PCDHGA2: variants seen among roughly 807,000 people sequenced by gnomAD.
PCDHGA2 encodes the protein protocadherin gamma subfamily A, 2.
PCDHGA2 carries 40 observed loss-of-function variants against 59.2 expected under a neutral mutation model. The observed-to-expected ratio is 0.68, with a 90% CI of 0.52 to 0.88. The LOEUF is 0.88. Among genes scored for constraint, PCDHGA2 ranks in the 40% least tolerant of loss-of-function variants. PCDHGA2 has a pLI of 0.00. For synonymous variants in PCDHGA2, 560 were observed against 526.0 expected, an observed-to-expected ratio of 1.06 and a Z score of -0.89; for missense variants, 1,226 against 1,204.0, an observed-to-expected ratio of 1.02 and a Z score of -0.27.
intron 1 of PCDHGA2, chr5:141,376,739 T>C (rs1773315413): frequency 8.0e-6 from 4 of 502,200 alleles, no homozygotes; most frequent in Non-Finnish European, 1.4e-5. Flanking sequence ...GACTGCGGAC[T>C]GCAGTGGCGC....
rs753022372 is a variant in PCDHGA2, at chr5:141,350,463, C to T, written c.2424+9068C>T. On this transcript the variant is annotated intron_variant, in intron 1 of 3. Transcript: ENST00000394576. ...CCAACTCGAAAACTGCGGGTTAGTG[C>T]AGAGGATTATTTCAACGTTAGTTTG... 1.9e-6 allele frequency: 3 copies of T among 1,613,812 alleles called. No homozygotes were observed. In the South Asian group the frequency reaches 3.3e-5, roughly 18 times the overall value.
At chr5:141,389,635 A>G in intron 1 of PCDHGA2, 1 of 1,612,978 alleles carries the variant, frequency 6.2e-7, no homozygotes, top group Non-Finnish European at 8.5e-7. Flanking sequence ...GAGCCTGGCT[A>G]CTTGGTGACC....
At chr5:141,497,983 C>T (rs2099780927) in intron 2 of PCDHGA2, among the ~76,000 whole-genome samples, 1 of 152,168 alleles carries the variant, frequency 6.6e-6, no homozygotes, top group African/African-American at 2.4e-5. Context: ...GTGGGAGGCC[C>T]CTGCCCTCAA....
At chr5:141,437,529 C>T (rs1205365959) in intron 1 of PCDHGA2, among the ~76,000 whole-genome samples, 1 of 152,102 alleles carries the variant, frequency 6.6e-6, no homozygotes, top group African/African-American at 2.4e-5. Flanking sequence ...GACAAATGAG[C>T]AAATTGTATC....
chr5:141,494,680 C>G (rs552351026), intron 1 of PCDHGA2, 127 bp from the exon 2 acceptor site: 2 of 1,560,096 alleles, frequency 1.3e-6, no homozygotes, highest in East Asian at 4.6e-5. Context: ...CCACCCCTGC[C>G]CCCTCTTAGT....
chr5:141,346,424 A>T lies in PCDHGA2; in HGVS notation c.2424+5029A>T, dbSNP rs773714728. On this transcript the variant is annotated intron_variant, in intron 1 of 3. Coordinates refer to ENST00000394576, the MANE Select transcript of PCDHGA2 (RefSeq NM_018915.4). ...AGCCTCTTCTGATAACTCAGGATTT[A>T]CTTGAAATGAAAGGAGATTCCAACC... 9 of 1,614,238 alleles carry T rather than the reference A, an allele frequency of 5.6e-6. No individual in the cohort carries two copies. The South Asian group carries it at 8.8e-5, about 16-fold the overall frequency.
chr5:141,499,029 A>AAGGAAGGAAGG lies in PCDHGA2; in HGVS notation c.2483+4165_2483+4166insGGAAGGAAGGA, dbSNP rs1562187768. ...GGAAGGAAGGAAGGAAGGAAGGAAG[A>AAGGAAGGAAGG]AAAGAAAGAAAAAGGGAGAAAAAAT... On this transcript the variant is annotated intron_variant, in intron 2 of 3. Transcript: ENST00000394576. 4.1e-4 allele frequency among the ~76,000 whole-genome samples: 57 copies of AAGGAAGGAAGG among 140,074 alleles called. 2 individuals are homozygous for AAGGAAGGAAGG. Among genetic ancestry groups the AAGGAAGGAAGG allele is most frequent in the African/African-American group, 1.4e-3 (52 of 36,074 alleles). 91.9% of individuals were successfully genotyped at this position (140,074 alleles called of 152,430 possible).
intron 1 of PCDHGA2, chr5:141,399,055 GA>G: frequency 7.4e-6 from 12 of 1,613,844 alleles, no homozygotes; most frequent in Non-Finnish European, 1.0e-5. Context: ...AGAGACCAAG[GA>G]ATATTCAATG....
At position 141,426,367 on chromosome 5, in the gene PCDHGA2, G is replaced by A. The variant is rs557191606; in HGVS notation, c.2425-68440G>A. The A allele has an allele frequency of 8.2e-4, 168 of 204,486 alleles. 3 individuals are homozygous for A. The South Asian group carries it at 0.014, about 17-fold the overall frequency. 12.7% of individuals were successfully genotyped at this position (204,486 alleles called of 1,614,324 possible). ...TTTCCTGCTGCCTTTGTTCTGCGGG[G>A]CACCCTCGGAGCAGATCCGCTACTC... is the stretch of plus-strand genomic sequence containing the variant. On this transcript the variant is annotated intron_variant, in intron 1 of 3. Transcript: ENST00000394576.
chr5:141,376,217 C>T (rs1387510502), intron 1 of PCDHGA2: 1 of 1,614,210 alleles, frequency 6.2e-7, no homozygotes, highest in Non-Finnish European at 8.5e-7. Flanking sequence ...CATCGTGCTG[C>T]TGGCGCTCAG....
intron 1 of PCDHGA2, chr5:141,418,636 C>G (rs564881404): frequency 6.2e-7 from 1 of 1,613,980 alleles, no homozygotes; most frequent in South Asian, 1.1e-5. Context: ...CTCCAGGCAC[C>G]TCCATCCTGA....
At chr5:141,488,359 T>A (rs1262194591) in intron 1 of PCDHGA2, among the ~76,000 whole-genome samples, 1 of 152,198 alleles carries the variant, frequency 6.6e-6, no homozygotes, top group Non-Finnish European at 1.5e-5. Context: ...ACCCTGTGCA[T>A]CTTTAAGTTG....
intron 1 of PCDHGA2, chr5:141,366,785 C>T: frequency 1.3e-6 from 2 of 1,576,144 alleles, no homozygotes; most frequent in Non-Finnish European, 8.6e-7. Flanking sequence ...ATGACCAGAA[C>T]ATTTTCATTT....
At position 141,487,621 on chromosome 5, in the gene PCDHGA2, A is replaced by G; in HGVS notation, c.2425-7186A>G. The G allele has an allele frequency of 6.2e-7, 1 of 1,614,164 alleles. No individual in the cohort carries two copies. On this transcript the variant is annotated intron_variant, in intron 1 of 3. Transcript: ENST00000394576. This position sits in a 1 kb window ranked among gnomAD's most constrained non-coding sequence, Gnocchi z 5.0. ...ATCTTCTCTATGGGCTAGAGGTGAG[A>G]CCTTTGCAGGCTCAACAAATGCTTG... is the stretch of plus-strand genomic sequence containing the variant.
Position 141,375,974 on chromosome 5 carries a change from G to A in PCDHGA2, c.2424+34579G>A, listed in dbSNP as rs181747779. Reference sequence around the variant, plus strand: ...CACGGGCGAGGTGCGCACGGCGCGCGCCCTGCTGGACAGAGACGCGCTCAA... The same window carrying A: ...CACGGGCGAGGTGCGCACGGCGCGCACCCTGCTGGACAGAGACGCGCTCAA... On this transcript the variant is annotated intron_variant, in intron 1 of 3. Transcript: ENST00000394576. 26 of 1,613,354 alleles carry A rather than the reference G, an allele frequency of 1.6e-5. No individual in the cohort carries two copies. The South Asian group carries it at 2.0e-4, about 12-fold the overall frequency.
chr5:141,383,512 G>A (rs755956919), intron 1 of PCDHGA2: 4 of 1,612,576 alleles, frequency 2.5e-6, no homozygotes, highest in Non-Finnish European at 2.5e-6. Context: ...CCGGGAGGAA[G>A]AGCGGGTTCA....
At chr5:141,439,506 C>G (rs2098117403) in intron 1 of PCDHGA2, among the ~76,000 whole-genome samples, 1 of 152,234 alleles carries the variant, frequency 6.6e-6, no homozygotes, top group Non-Finnish European at 1.5e-5. Flanking sequence ...GTCTTTCTCT[C>G]TGCTCTCAAC....
At chr5:141,430,716 G>T (rs1327065498) in intron 1 of PCDHGA2, 2 of 1,487,962 alleles carry the variant, frequency 1.3e-6, no homozygotes, top group African/African-American at 2.8e-5. Context: ...CCTGACTTCA[G>T]TGGTTAAGGG....
intron 1 of PCDHGA2, chr5:141,393,496 T>C (rs960048710): frequency 1.9e-6 from 3 of 1,613,940 alleles, no homozygotes; most frequent in Non-Finnish European, 8.5e-7. Flanking sequence ...ACAGTGCGCA[T>C]CCACGTGACA....
Sources: allele counts gnomAD v4.1 joint callset (sites outside exome capture counted in the v4.1 genomes callset), GRCh38; gene constraint gnomAD v4.1.1; non-coding constraint Gnocchi (gnomAD v3.1); transcripts MANE v1.5; gene names NCBI Gene and HGNC (gene_info 2026-07-23, HGNC 2026-07-21).